RBFOX1: variants seen among roughly 807,000 people sequenced by gnomAD.
RBFOX1 encodes the protein RNA binding fox-1 homolog 1.
A neutral mutation model predicts 57.7 loss-of-function variants in RBFOX1; 8 were observed. The ratio of observed to expected loss-of-function variants is 0.14; its 90% CI spans 0.08 to 0.25. The LOEUF (loss-of-function observed/expected upper bound fraction) is 0.25, where lower values mean the gene tolerates loss of function less well. Among genes scored for constraint, RBFOX1 ranks in the 10% least tolerant of loss-of-function variants. The probability of loss-of-function intolerance (pLI) is 1.00; values close to 1 mark genes in which losing one functional copy is unlikely to be tolerated. For synonymous variants in RBFOX1, 326 were observed against 222.4 expected (o/e 1.47, Z -4.15); for missense variants, 611 against 548.5 (o/e 1.11, Z -1.14).
At chr16:6,137,592 C>G in intron 1 of RBFOX1, among the ~76,000 whole-genome samples, 1 of 148,718 alleles carries the variant, frequency 6.7e-6, no homozygotes. Flanking sequence ...AGGTGTGAGG[C>G]ACTGCGCCTG....
At chr16:6,327,070 A>G (rs903487981) in intron 2 of RBFOX1, among the ~76,000 whole-genome samples, 4 of 152,150 alleles carry the variant, frequency 2.6e-5, no homozygotes, top group African/African-American at 7.2e-5. Context: ...CTGCACCTGA[A>G]TGGCTCTAAC....
At chr16:5,452,107 T>C (rs1638300) in intron 1 of RBFOX1, among the ~76,000 whole-genome samples, 5 of 139,500 alleles carry the variant, frequency 3.6e-5, no homozygotes, top group African/African-American at 1.1e-4. Context: ...TTTATCTCTC[T>C]CTCTCTCTCT....
chr16:6,461,663 G>T (rs532105234), intron 2 of RBFOX1, among the ~76,000 whole-genome samples: 1 of 152,088 alleles, frequency 6.6e-6, no homozygotes, highest in African/African-American at 2.4e-5. Context: ...GGGATAACAT[G>T]ATTTTGTTTT....
chr16:6,577,507 C>G (rs539562681), intron 2 of RBFOX1: 2 of 152,186 alleles, frequency 1.3e-5, no homozygotes, highest in African/African-American at 4.8e-5. Context: ...TGACAAATAG[C>G]TCTGAAATCT....
intron 3 of RBFOX1, among the ~76,000 whole-genome samples, chr16:6,839,244 C>A (rs192014624): frequency 6.6e-6 from 1 of 152,138 alleles, no homozygotes; most frequent in Non-Finnish European, 1.5e-5. Flanking sequence ...CTCAGCCCCC[C>A]AAAGTGCTGG....
At chr16:6,187,761 AC>A (rs979038740) in intron 1 of RBFOX1, among the ~76,000 whole-genome samples, 14 of 152,224 alleles carry the variant, frequency 9.2e-5, no homozygotes, top group African/African-American at 1.9e-4. Flanking sequence ...AGAGTGGGAG[AC>A]GGAGGGGCAG....
chr16:6,924,970 G>C (rs537841009), intron 3 of RBFOX1, among the ~76,000 whole-genome samples: 34 of 151,418 alleles, frequency 2.2e-4, no homozygotes, highest in African/African-American at 7.5e-4. Context: ...AGTTTGCTGA[G>C]AATGATGGTT....
At chr16:6,117,559 G>T (rs2096509898) in intron 1 of RBFOX1, among the ~76,000 whole-genome samples, 1 of 152,208 alleles carries the variant, frequency 6.6e-6, no homozygotes, top group African/African-American at 2.4e-5. Flanking sequence ...GAGGCTTCTG[G>T]TAGCATTTGG....
At chr16:7,185,367 G>A (rs2083507430) in intron 4 of RBFOX1, among the ~76,000 whole-genome samples, 2 of 152,108 alleles carry the variant, frequency 1.3e-5, no homozygotes, top group Admixed American at 1.3e-4. Flanking sequence ...TGATGTTTCT[G>A]ACAGGCAATT....
chr16:6,859,372 A>T (rs1327565814), intron 3 of RBFOX1, among the ~76,000 whole-genome samples: 1 of 151,618 alleles, frequency 6.6e-6, no homozygotes, highest in Admixed American at 6.6e-5. Flanking sequence ...GTTCTCCTCA[A>T]ACAGATGACG....
At chr16:7,057,772 C>A (rs1366356279) in intron 4 of RBFOX1, among the ~76,000 whole-genome samples, 1 of 152,104 alleles carries the variant, frequency 6.6e-6, no homozygotes, top group Non-Finnish European at 1.5e-5. Flanking sequence ...CTTTGGGAGG[C>A]CAAGGTGGGT....
In RBFOX1 at chr16:6,289,553, G is replaced by A. The variant is rs149148298; in HGVS notation, c.-126-27442G>A. Among the ~76,000 whole-genome samples, 108 of 152,208 alleles carry A rather than the reference G, an allele frequency of 7.1e-4. 1 individual carries two copies. In the East Asian group the frequency reaches 0.019, roughly 26 times the overall value. The stretch of plus-strand genomic sequence containing the variant: ...CATAGCTATTCATTGGTAATAGCTG[G>A]AAGACTGTTCTCTTATGCCCTTTTA... On this transcript the variant is annotated intron_variant, in intron 1 of 15. Coordinates refer to ENST00000550418, the MANE Select transcript of RBFOX1 (RefSeq NM_018723.4).
intron 3 of RBFOX1, among the ~76,000 whole-genome samples, chr16:5,766,942 A>C (rs975191956): frequency 6.6e-6 from 1 of 152,192 alleles, no homozygotes; most frequent in African/African-American, 2.4e-5. Context: ...ACTTCTTGCA[A>C]ATAATGAGCT....
chr16:7,023,640 G>C lies in RBFOX1; in HGVS notation c.-15-28417G>C, dbSNP rs967995849. On this transcript the variant is annotated intron_variant, in intron 3 of 15. Transcript: ENST00000550418. ...ATGACTATAATTTCAGCACTGGGAA[G>C]GCCCCAGTATACCTTGGAACTCCTC... 4.7e-5 allele frequency among the ~76,000 whole-genome samples: 7 copies of C among 148,444 alleles called. No individual in the cohort carries two copies. The East Asian group carries it at 1.4e-3, about 30-fold the overall frequency.
intron 4 of RBFOX1, among the ~76,000 whole-genome samples, chr16:7,303,534 C>T (rs1222797207): frequency 6.6e-6 from 1 of 151,696 alleles, no homozygotes; most frequent in African/African-American, 2.4e-5. Flanking sequence ...TTTAGCAGAC[C>T]GAATTTAAAT....
intron 2 of RBFOX1, among the ~76,000 whole-genome samples, chr16:6,494,262 G>T (rs575785548): frequency 6.6e-6 from 1 of 152,148 alleles, no homozygotes; most frequent in Non-Finnish European, 1.5e-5. Flanking sequence ...TATATATATT[G>T]TTCTGTACAA....
chr16:5,335,645 A>G (rs755245711), intron 1 of RBFOX1, among the ~76,000 whole-genome samples: 9 of 152,132 alleles, frequency 5.9e-5, no homozygotes, highest in Non-Finnish European at 8.8e-5. Context: ...AAAGGTATTA[A>G]TGTTGGTTTT....
intron 4 of RBFOX1, among the ~76,000 whole-genome samples, chr16:7,333,796 T>C (rs1241327490): frequency 6.6e-6 from 1 of 152,058 alleles, no homozygotes; most frequent in African/African-American, 2.4e-5. Flanking sequence ...CATAAGGTTT[T>C]CTTTGCAAGC....
At chr16:7,470,461 G>A (rs1361239272) in intron 4 of RBFOX1, among the ~76,000 whole-genome samples, 2 of 151,972 alleles carry the variant, frequency 1.3e-5, no homozygotes, top group Admixed American at 1.3e-4. Flanking sequence ...GGGTGGATGA[G>A]TGGATGGATG....
Sources: gnomAD v4.1 joint callset for allele counts (sites outside exome capture counted in the v4.1 genomes callset) on GRCh38, gnomAD v4.1.1 for gene constraint, MANE v1.5 for transcripts, NCBI Gene and HGNC (gene_info 2026-07-23, HGNC 2026-07-21) for gene names.